Variants in KCNT1 observed in about 807,000 individuals in gnomAD.
The protein encoded by KCNT1 is potassium channel subfamily T member 1.
Under a neutral mutation model 147.8 loss-of-function variants are expected in KCNT1, and 78 were observed. The ratio of observed to expected loss-of-function variants is 0.53; its 90% CI spans 0.44 to 0.64. The LOEUF (loss-of-function observed/expected upper bound fraction) is 0.64. KCNT1 is among the 30% of genes least tolerant of loss of function. The pLI, the probability that KCNT1 is intolerant of heterozygous loss-of-function variation, is 0.00. For synonymous variants in KCNT1, 867 were observed against 748.8 expected, an observed-to-expected ratio of 1.16 and a Z score of -2.58; for missense variants, 1,419 against 1,750.3, an observed-to-expected ratio of 0.81 and a Z score of 3.38.
At position 135,778,466 on chromosome 9, in the gene KCNT1, G is replaced by A; in HGVS notation, c.2565G>A (p.Met855Ile). Residue 855 changes from methionine (M) to isoleucine (I), a missense_variant, in exon 22 of 31, where the codon ATG becomes ATA. By Grantham distance (10) the Met-to-Ile change is conservative. Transcript: ENST00000371757. ...TGGAAGCCATCTGCTGCTTCCCCATGGTCTACTACATGGAGGGCTCTGTGG... is the reference window on the plus strand; with the variant it reads ...TGGAAGCCATCTGCTGCTTCCCCATAGTCTACTACATGGAGGGCTCTGTGG... Reference protein sequence around the residue: ...HFLEAICCFPMVYYMEGSVDN... With the variant: ...HFLEAICCFPIVYYMEGSVDN... 1 of 1,556,940 alleles carries A rather than the reference G, an allele frequency of 6.4e-7. No homozygotes were observed. Among genetic ancestry groups the A allele is most frequent in the South Asian group, 1.2e-5 (1 of 84,840 alleles).
chr9:135,742,319 C>A (rs1015466733), intron 2 of KCNT1, among the ~76,000 whole-genome samples: 2 of 152,224 alleles, frequency 1.3e-5, no homozygotes, highest in African/African-American at 4.8e-5. Context: ...TGCTGGGGAC[C>A]ACACATGGGG....
intron 4 of KCNT1, among the ~76,000 whole-genome samples, 198 bp downstream of exon 4, chr9:135,751,239 G>T (rs1008158888): frequency 3.3e-5 from 5 of 152,160 alleles, no homozygotes; most frequent in East Asian, 3.9e-4. Context: ...ACGGCTCAGC[G>T]TAGGGAGAAG....
intron 12 of KCNT1, 131 bp downstream of exon 12, chr9:135,765,326 G>A: frequency 8.3e-6 from 7 of 845,648 alleles, no homozygotes; most frequent in Non-Finnish European, 1.3e-5. Context: ...GAGGGCAGAT[G>A]CCTCCCTCCC....
intron 2 of KCNT1, chr9:135,736,450 G>C (rs992979646): frequency 1.3e-5 from 2 of 152,210 alleles, no homozygotes; most frequent in Non-Finnish European, 2.9e-5. Context: ...TCTCCATGGG[G>C]CGTCCTGGCG....
chr9:135,756,983 C>A (rs13286338), intron 7 of KCNT1, 51 bp downstream of exon 7: 4 of 976,224 alleles, frequency 4.1e-6, no homozygotes, highest in East Asian at 2.8e-5. Context: ...ACCCTCCCCA[C>A]CCTCCCCAGC....
chr9:135,708,964 G>A (rs1224569695), intron 1 of KCNT1, among the ~76,000 whole-genome samples: 1 of 152,224 alleles, frequency 6.6e-6, no homozygotes, highest in Non-Finnish European at 1.5e-5. Context: ...AGAAATAAGG[G>A]CCTGGTGATG....
chr9:135,766,948 AG>A (rs1335606424), intron 13 of KCNT1, among the ~76,000 whole-genome samples: 1 of 152,142 alleles, frequency 6.6e-6, no homozygotes, highest in Non-Finnish European at 1.5e-5. Flanking sequence ...AACGGGCTGA[AG>A]GTAGAGTTCC....
At chr9:135,767,504 C>T (rs1469217233) in intron 13 of KCNT1, among the ~76,000 whole-genome samples, 1 of 152,116 alleles carries the variant, frequency 6.6e-6, no homozygotes, top group East Asian at 1.9e-4. Flanking sequence ...ACCCAGGTTC[C>T]CAGACCACAG....
chr9:135,743,573 C>T (rs1369159023), intron 2 of KCNT1, among the ~76,000 whole-genome samples: 1 of 152,216 alleles, frequency 6.6e-6, no homozygotes, highest in African/African-American at 2.4e-5. Context: ...CCTGGGGCCC[C>T]ATGGTGCAGA....
chr9:135,759,605 A>T, intron 10 of KCNT1, 74 bp from the exon 11 acceptor site: 1 of 1,481,012 alleles, frequency 6.8e-7, no homozygotes, highest in Non-Finnish European at 9.0e-7. Context: ...TCCCGTGGGC[A>T]GGCAGGATCT....
intron 2 of KCNT1, among the ~76,000 whole-genome samples, chr9:135,725,395 A>G (rs1047357633): frequency 2.3e-4 from 35 of 152,200 alleles, no homozygotes; most frequent in Admixed American, 5.2e-4. Flanking sequence ...TTATACGAAG[A>G]GAAGGAACAA....
Position 135,714,648 on chromosome 9 carries a change from TG to T in KCNT1, c.183del (p.Leu62CysfsTer52). 6.8e-7 allele frequency: 1 copy of T among 1,481,214 alleles called. No individual in the cohort carries two copies. Among genetic ancestry groups the T allele is most frequent in the Non-Finnish European group, 9.0e-7 (1 of 1,106,340 alleles). The allele number at this position is 1,481,214 out of a possible 1,614,324, so 91.8% of individuals were successfully genotyped here. A position where few individuals can be genotyped will look rare whatever the true frequency, so the allele number is the denominator to read the frequency against. On this transcript the variant is annotated frameshift_variant, in exon 2 of 31. Transcript: ENST00000371757. LOFTEE classifies it high-confidence loss of function. The surrounding 1 kb of genome is among the most constrained non-coding windows in gnomAD (Gnocchi z 6.2). ...GFKMSDLDSE[V>X]LPLPPRYRFR... ...AAGATGAGCGACCTGGACTCCGAGGTGCTGCCCTTGCCGCCGCGCTACCGCT... is the reference window on the plus strand; with the variant it reads ...AAGATGAGCGACCTGGACTCCGAGGTCTGCCCTTGCCGCCGCGCTACCGCT...
In KCNT1 at chr9:135,775,591, G is replaced by A. The variant is rs184132432; in HGVS notation, c.2349+176G>A. On this transcript the variant is annotated intron_variant, in intron 20 of 30. Transcript: ENST00000371757. Reference sequence around the variant, plus strand: ...GATCCTTCACCCAGATTCAGCAGACGGTCCCTTCCTGTCCCGTTTGGGCTC... The same window carrying A: ...GATCCTTCACCCAGATTCAGCAGACAGTCCCTTCCTGTCCCGTTTGGGCTC... 2.6e-3 allele frequency among the ~76,000 whole-genome samples: 392 copies of A among 152,334 alleles called. 1 individual carries two copies. The highest frequency in any genetic ancestry group is 7.3e-3 in the African/African-American group (302 of 41,572).
intron 2 of KCNT1, among the ~76,000 whole-genome samples, chr9:135,739,027 G>A (rs1036722184): frequency 2.6e-5 from 4 of 152,012 alleles, no homozygotes; most frequent in African/African-American, 4.8e-5. Flanking sequence ...GGACCTAGGC[G>A]GCCTTGCCCC....
intron 5 of KCNT1, among the ~76,000 whole-genome samples, chr9:135,754,790 T>G (rs571510167): frequency 6.6e-6 from 1 of 152,268 alleles, no homozygotes; most frequent in Non-Finnish European, 1.5e-5. Flanking sequence ...GCCTGTCGTG[T>G]CCAGAGAGGA....
In KCNT1 at chr9:135,795,020, G is replaced by T. The variant is rs139043818; in HGVS notation, c.*2859G>T. On this transcript the variant is annotated 3_prime_UTR_variant, in exon 31 of 31. Transcript: ENST00000371757. ...CATCACTGCCTAGAATAAGCGAAAA[G>T]AATTTTTTTTAATGTTTTACGGTAG... is the stretch of plus-strand genomic sequence containing the variant. The T allele has an allele frequency of 1.2e-3, 182 of 152,276 alleles. No individual in the cohort carries two copies. The highest frequency in any genetic ancestry group is 4.2e-3 in the African/African-American group (173 of 41,548). 9.4% of individuals were successfully genotyped at this position (152,276 alleles called of 1,614,324 possible).
At chr9:135,719,143 T>A (rs1419371582) in intron 2 of KCNT1, among the ~76,000 whole-genome samples, 1 of 152,192 alleles carries the variant, frequency 6.6e-6, no homozygotes, top group East Asian at 1.9e-4. Flanking sequence ...CAGGGGCAAC[T>A]GATGGAGGCC....
chr9:135,766,740 C>G lies in KCNT1; in HGVS notation c.1337+980C>G, dbSNP rs368887005. The G allele has an allele frequency of 3.9e-5, 6 of 152,552 alleles. No individual in the cohort carries two copies. The East Asian group carries it at 1.2e-3, about 29-fold the overall frequency. The allele number at this position is 152,552 out of a possible 1,614,324, so 9.4% of individuals were successfully genotyped here. A position where few individuals can be genotyped will look rare whatever the true frequency, so the allele number is the denominator to read the frequency against. On this transcript the variant is annotated intron_variant, in intron 13 of 30. Transcript: ENST00000371757. ...GGACCCTGCAGCCAGGCCCTTGTCC[C>G]TGCACCATACCCACTGTGGAGCAGC...
At chr9:135,755,489 C>T (rs1424482867) in intron 6 of KCNT1, among the ~76,000 whole-genome samples, 4 of 147,912 alleles carry the variant, frequency 2.7e-5, no homozygotes, top group Non-Finnish European at 4.5e-5. Context: ...AACCCAGGAT[C>T]AGTAAACAGG....
Sources: allele counts gnomAD v4.1 joint callset (sites outside exome capture counted in the v4.1 genomes callset), GRCh38; gene constraint gnomAD v4.1.1; non-coding constraint Gnocchi (gnomAD v3.1); transcripts MANE v1.5; gene names NCBI Gene and HGNC (gene_info 2026-07-23, HGNC 2026-07-21).